The following VEPH1 variants were observed in gnomAD, a reference collection of about 807,000 sequenced individuals.
VEPH1 encodes ventricular zone-expressed PH domain-containing protein homolog 1.
A neutral mutation model predicts 85.2 loss-of-function variants in VEPH1; 80 were observed. The ratio of observed to expected loss-of-function variants is 0.94; its 90% CI spans 0.78 to 1.13. VEPH1 has a LOEUF of 1.13. Ranked by LOEUF, VEPH1 falls within the 50% of genes most tolerant of loss-of-function variation. The pLI, the probability that VEPH1 is intolerant of heterozygous loss-of-function variation, is 0.00. For missense variants in VEPH1, 955 were observed against 980.5 expected, an observed-to-expected ratio of 0.97 and a Z score of 0.35; for synonymous variants, 297 against 348.0, an observed-to-expected ratio of 0.85 and a Z score of 1.63.
At chr3:157,489,495 T>C (rs1739014164) in intron 2 of VEPH1, 2 of 200,258 alleles carry the variant, frequency 1.0e-5, no homozygotes, top group Admixed American at 1.1e-4. Flanking sequence ...TATTGCTCTC[T>C]CATCTCCTTC....
At chr3:157,384,441 T>A (rs1295003107) in intron 6 of VEPH1, among the ~76,000 whole-genome samples, 2 of 152,222 alleles carry the variant, frequency 1.3e-5, no homozygotes, top group Non-Finnish European at 2.9e-5. Flanking sequence ...TTAGAATTTT[T>A]AAAAACCGTT....
chr3:157,459,938 A>G (rs1283360884), intron 4 of VEPH1: 2 of 1,537,232 alleles, frequency 1.3e-6, no homozygotes, highest in East Asian at 2.4e-5. Flanking sequence ...TGAGAAACAC[A>G]GATTTGGAAG....
intron 4 of VEPH1, among the ~76,000 whole-genome samples, chr3:157,450,551 C>A (rs1024471187): frequency 4.6e-5 from 7 of 150,730 alleles, no homozygotes; most frequent in Non-Finnish European, 8.9e-5. Flanking sequence ...TTCTACTGTT[C>A]CACTATATGT....
At chr3:157,403,152 G>A (rs1292379837) in intron 6 of VEPH1, among the ~76,000 whole-genome samples, 3 of 152,050 alleles carry the variant, frequency 2.0e-5, no homozygotes, top group African/African-American at 7.2e-5. Context: ...GAGTACAATT[G>A]TTACACGATT....
intron 4 of VEPH1, among the ~76,000 whole-genome samples, chr3:157,458,068 C>A (rs914780712): frequency 6.6e-6 from 1 of 152,146 alleles, no homozygotes; most frequent in Non-Finnish European, 1.5e-5. Context: ...TTCAGGGATT[C>A]AATTTCTTAC....
At chr3:157,421,258 A>C (rs1467388505) in intron 5 of VEPH1, among the ~76,000 whole-genome samples, 1 of 152,068 alleles carries the variant, frequency 6.6e-6, no homozygotes, top group Admixed American at 6.5e-5. Flanking sequence ...TTTTTTTTCA[A>C]GGGCCAACTG....
intron 3 of VEPH1, among the ~76,000 whole-genome samples, chr3:157,461,038 T>A (rs1171226907): frequency 6.6e-6 from 1 of 152,186 alleles, no homozygotes; most frequent in Non-Finnish European, 1.5e-5. Flanking sequence ...TTTTTGCCTA[T>A]ATCTATCTTA....
chr3:157,388,603 T>G (rs1443886669), intron 6 of VEPH1, among the ~76,000 whole-genome samples: 1 of 152,152 alleles, frequency 6.6e-6, no homozygotes, highest in African/African-American at 2.4e-5. Flanking sequence ...TATGATGATA[T>G]ATCACTCTAT....
chr3:157,443,816 T>C (rs1734331987), intron 4 of VEPH1, among the ~76,000 whole-genome samples: 1 of 152,228 alleles, frequency 6.6e-6, no homozygotes, highest in African/African-American at 2.4e-5. Context: ...GTTTTAGTTT[T>C]CTCAGCTGAG....
At chr3:157,453,998 C>A (rs146378450) in intron 4 of VEPH1, among the ~76,000 whole-genome samples, 7 of 151,916 alleles carry the variant, frequency 4.6e-5, no homozygotes, top group Non-Finnish European at 1.0e-4. Flanking sequence ...TCATTGTCAT[C>A]GAAAAAGCAT....
chr3:157,414,862 A>G (rs1731779617), intron 5 of VEPH1, among the ~76,000 whole-genome samples: 1 of 151,980 alleles, frequency 6.6e-6, no homozygotes, highest in African/African-American at 2.4e-5. Flanking sequence ...GCCCATCCAT[A>G]TTTCTGTTTG....
At chr3:157,267,814 T>C (rs1713948028) in intron 12 of VEPH1, among the ~76,000 whole-genome samples, 1 of 152,024 alleles carries the variant, frequency 6.6e-6, no homozygotes, top group African/African-American at 2.4e-5. Flanking sequence ...ATCAAATATA[T>C]TGTAAGATAG....
chr3:157,403,712 AT>A (rs1249211086), intron 6 of VEPH1, among the ~76,000 whole-genome samples: 7 of 152,298 alleles, frequency 4.6e-5, no homozygotes, highest in African/African-American at 1.7e-4. Context: ...ATTGTCAAAG[AT>A]TATGACTGTT....
Position 157,480,670 on chromosome 3 carries a change from T to A in VEPH1, c.139-10141A>T, listed in dbSNP as rs147781695. Among the ~76,000 whole-genome samples the A allele has an allele frequency of 7.3e-3, 1,109 of 152,322 alleles. 19 individuals are homozygous for A. The highest frequency in any genetic ancestry group is 0.025 in the African/African-American group (1,057 of 41,570). On this transcript the variant is annotated intron_variant, in intron 2 of 13. Coordinates refer to ENST00000362010, the MANE Select transcript of VEPH1 (RefSeq NM_001167912.2). ...TGTGCAGTATGCCATGGTGCATATGTACCATATTTTCTTTATCCATTCCAG... is the reference window on the plus strand; with the variant it reads ...TGTGCAGTATGCCATGGTGCATATGAACCATATTTTCTTTATCCATTCCAG...
At position 157,267,278 on chromosome 3, in the gene VEPH1, G is replaced by C. The variant is rs184272657; in HGVS notation, c.2129-1616C>G. On this transcript the variant is annotated intron_variant, in intron 12 of 13. Coordinates refer to ENST00000362010, the MANE Select transcript of VEPH1 (RefSeq NM_001167912.2). ...GCTCGGCTAAATTTTTGTATTTTTA[G>C]TAGAGACAGGGTTTTGCCATGTTGG... Among the ~76,000 whole-genome samples the C allele has an allele frequency of 1.7e-3, 256 of 151,014 alleles. 2 individuals carry two copies. In the Middle Eastern group the frequency reaches 0.017, roughly 10 times the overall value.
intron 6 of VEPH1, among the ~76,000 whole-genome samples, chr3:157,384,659 G>A (rs1314500743): frequency 6.6e-6 from 1 of 152,160 alleles, no homozygotes; most frequent in Admixed American, 6.5e-5. Flanking sequence ...CACAGTGCAG[G>A]AACAGGAAAA....
chr3:157,362,664 A>C (rs1726180410), intron 9 of VEPH1, among the ~76,000 whole-genome samples: 2 of 152,186 alleles, frequency 1.3e-5, no homozygotes, highest in African/African-American at 4.8e-5. Context: ...AAATTACATG[A>C]GATATTCAAC....
intron 2 of VEPH1, chr3:157,489,221 T>A: frequency 2.2e-6 from 1 of 456,220 alleles, no homozygotes; most frequent in Non-Finnish European, 4.4e-6. Context: ...AACTCTCCAG[T>A]GGCTGCCCAA....
At chr3:157,407,274 C>T (rs1731216042) in intron 6 of VEPH1, among the ~76,000 whole-genome samples, 1 of 152,146 alleles carries the variant, frequency 6.6e-6, no homozygotes, top group African/African-American at 2.4e-5. Flanking sequence ...TAAAAAATTG[C>T]TGCAAACTTA....
Sources: gnomAD v4.1 joint callset for allele counts (sites outside exome capture counted in the v4.1 genomes callset) on GRCh38, gnomAD v4.1.1 for gene constraint, MANE v1.5 for transcripts, NCBI Gene and HGNC (gene_info 2026-07-23, HGNC 2026-07-21) for gene names.